Variants in MGA observed in about 807,000 individuals in gnomAD.
MGA encodes the protein MAX dimerization protein MGA.
In MGA, 40 loss-of-function variants were observed where a neutral mutation model predicts 261.1. The observed-to-expected ratio is 0.15, with a 90% CI of 0.12 to 0.20. MGA has a LOEUF of 0.20. MGA is among the 10% of genes least tolerant of loss of function. The pLI is 1.00. For missense variants in MGA, 3,397 were observed against 3,630.5 expected (o/e 0.94, Z 1.65); for synonymous variants, 1,302 against 1,290.6 (o/e 1.01, Z -0.19).
intron 5 of MGA, among the ~76,000 whole-genome samples, chr15:41,703,370 C>CCCCG (rs1555419066): frequency 1.5e-5 from 2 of 129,604 alleles, no homozygotes; most frequent in Non-Finnish European, 1.7e-5. Context: ...GTGAAGTTAC[C>CCCCG]CCCCCCCCCA....
chr15:41,743,019 A>G lies in MGA; in HGVS notation c.5059A>G (p.Thr1687Ala). The change falls in exon 15 of 24, where the codon ACT becomes GCT. Residue 1687 changes from threonine to alanine, a missense_variant. Physicochemically the swap from Thr to Ala is moderately conservative, Grantham distance 58. This residue lies in a region of MGA where 1,410 missense variants were observed against 1,386.4 expected (regional missense o/e 1.02). Coordinates refer to ENST00000219905, the MANE Select transcript of MGA (RefSeq NM_001164273.2). The stretch of plus-strand genomic sequence containing the variant: ...TTTGGTAGCATCTCCTTCAACCATA[A>G]CTCTTCCTGTTGCTTCCACTGCTTC... 1.2e-6 allele frequency: 2 copies of G among 1,613,368 alleles called. No individual in the cohort carries two copies. The highest frequency in any genetic ancestry group is 1.6e-4 in the Middle Eastern group (1 of 6,062).
In MGA at chr15:41,710,443, G is replaced by A. The variant is rs189567822; in HGVS notation, c.2426-248G>A. ...TATTTATTTTAAAAAATTTATTTAT[G>A]TTTTTAGGGACAGGGTCCTTGTTAC... is the stretch of plus-strand genomic sequence containing the variant. On this transcript the variant is annotated intron_variant, in intron 7 of 23. Coordinates refer to ENST00000219905, the MANE Select transcript of MGA (RefSeq NM_001164273.2). Among the ~76,000 whole-genome samples, 51 of 152,126 alleles carry A rather than the reference G, an allele frequency of 3.4e-4. 1 individual carries two copies. The highest frequency in any genetic ancestry group is 3.1e-3 in the Admixed American group (47 of 15,276).
At chr15:41,734,778 C>A (rs922139454) in intron 12 of MGA, among the ~76,000 whole-genome samples, 184 bp downstream of exon 12, 4 of 152,030 alleles carry the variant, frequency 2.6e-5, no homozygotes, top group Non-Finnish European at 1.5e-5. Flanking sequence ...TGTTAACACT[C>A]CTGCTCTCAA....
Position 41,736,641 on chromosome 15 carries a change from A to G in MGA, c.4377A>G (p.Ala1459=), listed in dbSNP as rs2061792065. 14 of 1,613,834 alleles carry G rather than the reference A, an allele frequency of 8.7e-6. No individual in the cohort carries two copies. Among genetic ancestry groups the G allele is most frequent in the Admixed American group, 6.7e-5 (4 of 60,004 alleles). Residue 1459 remains alanine (A), a synonymous_variant, in exon 13 of 24, where the codon GCA becomes GCG. Coordinates refer to ENST00000219905, the MANE Select transcript of MGA (RefSeq NM_001164273.2). ...CTTTTTATGCAGGGCTTTCTCCTGC[A>G]GGGAAGCTTGTGGCCTATAAACGTA...
chr15:41,694,870 A>G (rs2059474777), intron 2 of MGA, among the ~76,000 whole-genome samples: 1 of 152,104 alleles, frequency 6.6e-6, no homozygotes, highest in South Asian at 2.1e-4. Flanking sequence ...TCCTGGGCAC[A>G]AGCAGTCCTG....
In MGA at chr15:41,696,753, G is replaced by T; in HGVS notation, c.1743G>T (p.Glu581Asp). Residue 581 changes from glutamate (E) to aspartate (D), a missense_variant, in exon 3 of 24, where the codon GAG (glutamate) becomes GAT (aspartate). Around this residue, in one of 9 missense-constraint regions of MGA, gnomAD observed 563 missense variants for 563.6 expected, o/e 1.00. Coordinates refer to ENST00000219905, the MANE Select transcript of MGA (RefSeq NM_001164273.2). ...TTGGAGACTCACTTTCAGGAAAAGAGGACTTGGGCAGAAAGAGAACAACTA... is the reference window on the plus strand; with the variant it reads ...TTGGAGACTCACTTTCAGGAAAAGATGACTTGGGCAGAAAGAGAACAACTA... The T allele has an allele frequency of 6.2e-7, 1 of 1,610,790 alleles. No homozygotes were observed. The highest frequency in any genetic ancestry group is 1.1e-5 in the South Asian group (1 of 90,442).
At chr15:41,681,832 T>A (rs564066064) in intron 2 of MGA, among the ~76,000 whole-genome samples, 2 of 152,344 alleles carry the variant, frequency 1.3e-5, no homozygotes, top group Admixed American at 1.3e-4. Context: ...TTTTCTTTTA[T>A]AACTTTGTTT....
intron 10 of MGA, among the ~76,000 whole-genome samples, chr15:41,728,035 A>G (rs916982109): frequency 6.6e-6 from 1 of 152,182 alleles, no homozygotes; most frequent in Non-Finnish European, 1.5e-5. Flanking sequence ...CTGTGATGAA[A>G]TAAGCAAGGG....
At chr15:41,643,262 A>T (rs1242973055) in intron 1 of MGA, among the ~76,000 whole-genome samples, 2 of 138,450 alleles carry the variant, frequency 1.4e-5, no homozygotes, top group African/African-American at 5.5e-5. Flanking sequence ...ATTTTTTGAG[A>T]CGGAGTCTCA....
chr15:41,722,980 A>G (rs1362177823), intron 9 of MGA, among the ~76,000 whole-genome samples: 1 of 152,246 alleles, frequency 6.6e-6, no homozygotes, highest in Non-Finnish European at 1.5e-5. Context: ...TCATGAACAA[A>G]AGGCTTACTG....
chr15:41,718,571 C>T (rs530680522), intron 9 of MGA: 73 of 389,806 alleles, frequency 1.9e-4, no homozygotes, highest in African/African-American at 1.4e-3. Flanking sequence ...TGGGCTTCTG[C>T]AACTGCTTCT....
chr15:41,760,668 T>C, intron 20 of MGA, 139 bp downstream of exon 20: 1 of 769,288 alleles, frequency 1.3e-6, no homozygotes, highest in Non-Finnish European at 2.1e-6. Flanking sequence ...GACTAGTGAA[T>C]GCCCAGTAAA....
intron 22 of MGA, among the ~76,000 whole-genome samples, chr15:41,763,092 C>CTTTTTTTT (rs71108131): frequency 3.3e-4 from 21 of 63,962 alleles, no homozygotes; most frequent in South Asian, 1.5e-3. Flanking sequence ...TTCTTTCTTC[C>CTTTTTTTT]TTTTTTTTTT....
chr15:41,721,991 G>A (rs1294613537), intron 9 of MGA, among the ~76,000 whole-genome samples: 1 of 152,082 alleles, frequency 6.6e-6, no homozygotes, highest in African/African-American at 2.4e-5. Context: ...ACATACCACA[G>A]TGAAAATAAA....
intron 9 of MGA, among the ~76,000 whole-genome samples, chr15:41,713,965 G>T (rs1169311637): frequency 6.6e-6 from 1 of 152,156 alleles, no homozygotes; most frequent in Non-Finnish European, 1.5e-5. Flanking sequence ...ATCATGTACT[G>T]TGTTGAAAAT....
In MGA at chr15:41,766,626, C is replaced by T; in HGVS notation, c.8544C>T (p.Pro2848=). 1 of 1,613,998 alleles carries T rather than the reference C, an allele frequency of 6.2e-7. No individual in the cohort carries two copies. Among genetic ancestry groups the T allele is most frequent in the Non-Finnish European group, 8.5e-7 (1 of 1,179,888 alleles). ...ACTCTGTTGGCCTGGCTGAACTACC[C>T]AGCTCTATGGATACAGAGTTCCCAG... is the stretch of plus-strand genomic sequence containing the variant. The change falls in exon 24 of 24, where the codon CCC becomes CCT. Residue 2848 remains proline (P), a synonymous_variant. Coordinates refer to ENST00000219905, the MANE Select transcript of MGA (RefSeq NM_001164273.2).
chr15:41,684,408 A>C (rs1220195057), intron 2 of MGA: 5 of 453,652 alleles, frequency 1.1e-5, no homozygotes, highest in Non-Finnish European at 2.2e-5. Flanking sequence ...TCTTTTGCCT[A>C]ATTTATTTGG....
In MGA at chr15:41,669,864, A is replaced by G; in HGVS notation, c.970A>G (p.Thr324Ala). ...AACATCAGGCAAGGGTTTGGAGAAG[A>G]CTTCCCTTAATATAAAACGAGACTT... The change falls in exon 2 of 24, where the codon ACT becomes GCT. Residue 324 changes from threonine to alanine, a missense_variant. Physicochemically the swap from Thr to Ala is moderately conservative, Grantham distance 58 (BLOSUM62 0). This residue lies in a region of MGA where 563 missense variants were observed against 563.6 expected (regional missense o/e 1.00). Coordinates refer to ENST00000219905, the MANE Select transcript of MGA (RefSeq NM_001164273.2). 1.2e-6 allele frequency: 2 copies of G among 1,614,010 alleles called. No homozygotes were observed. The highest frequency in any genetic ancestry group is 1.6e-4 in the Middle Eastern group (1 of 6,062).
intron 11 of MGA, among the ~76,000 whole-genome samples, chr15:41,733,371 C>G (rs947104201): frequency 6.6e-6 from 1 of 152,174 alleles, no homozygotes; most frequent in Non-Finnish European, 1.5e-5. Flanking sequence ...AGGTGGCAGT[C>G]TGTCCAACCC....
Sources: allele counts gnomAD v4.1 joint callset (sites outside exome capture counted in the v4.1 genomes callset), GRCh38; gene constraint gnomAD v4.1.1; regional missense constraint gnomAD v4.1.1; transcripts MANE v1.5; gene names NCBI Gene and HGNC (gene_info 2026-07-23, HGNC 2026-07-21).